Variants in ARMC9 observed in about 807,000 individuals in gnomAD.
The protein encoded by ARMC9 is lisH domain-containing protein ARMC9.
A neutral mutation model predicts 107.0 loss-of-function variants in ARMC9; 94 were observed. The ratio of observed to expected loss-of-function variants is 0.88; its 90% CI spans 0.74 to 1.04. The LOEUF is 1.04. Ranked by LOEUF, ARMC9 falls within the 50% of genes least tolerant of loss-of-function variation. The pLI is 0.00. For synonymous variants in ARMC9, 380 were observed against 396.9 expected (o/e 0.96, Z 0.51); for missense variants, 942 against 1,030.1 (o/e 0.91, Z 1.17).
intron 19 of ARMC9, among the ~76,000 whole-genome samples, chr2:231,331,419 A>G (rs918115817): frequency 6.6e-6 from 1 of 151,278 alleles, no homozygotes; most frequent in Non-Finnish European, 1.5e-5. Context: ...AGAGTTCCCT[A>G]TCCCCCATAA....
At chr2:231,206,797 C>G (rs138725067) in intron 2 of ARMC9, among the ~76,000 whole-genome samples, 1 of 152,132 alleles carries the variant, frequency 6.6e-6, no homozygotes, top group South Asian at 2.1e-4. Flanking sequence ...AGGTTTCCTA[C>G]GCTAAAAGCT....
At chr2:231,327,247 C>T (rs2043390383) in intron 19 of ARMC9, among the ~76,000 whole-genome samples, 1 of 152,150 alleles carries the variant, frequency 6.6e-6, no homozygotes, top group South Asian at 2.1e-4. Flanking sequence ...CACATATGCT[C>T]GTTTTTTAAT....
At chr2:231,253,106 T>TTTTTTG (rs79818055) in intron 9 of ARMC9, among the ~76,000 whole-genome samples, 75,094 of 148,938 alleles carry the variant, frequency 0.5, 22,016 homozygotes, top group African/African-American at 0.82. Context: ...ATTTTCATTG[T>TTTTTTG]TTTTTGTTTT....
intron 9 of ARMC9, among the ~76,000 whole-genome samples, chr2:231,245,695 T>A (rs2036698190): frequency 6.6e-6 from 1 of 152,252 alleles, no homozygotes; most frequent in African/African-American, 2.4e-5. Flanking sequence ...TCTAGAGTTC[T>A]AATTTGAGAA....
At chr2:231,200,746 A>G (rs78839329) in intron 1 of ARMC9, among the ~76,000 whole-genome samples, 40,906 of 151,494 alleles carry the variant, frequency 0.27, 5,730 homozygotes, top group African/African-American at 0.32. Context: ...GAGGTGGGAG[A>G]ATCACTTGAA....
chr2:231,319,899 C>A (rs1266900440), intron 19 of ARMC9, among the ~76,000 whole-genome samples: 1 of 151,886 alleles, frequency 6.6e-6, no homozygotes, highest in African/African-American at 2.4e-5. Context: ...TGGCTGTATC[C>A]CTTCCTCTCC....
chr2:231,241,058 C>T (rs1469112856), intron 9 of ARMC9, among the ~76,000 whole-genome samples: 5 of 151,902 alleles, frequency 3.3e-5, no homozygotes, highest in Admixed American at 1.3e-4. Flanking sequence ...ATTAGCCAAG[C>T]GTGGTGGTGG....
At chr2:231,259,904 G>A (rs2038179762) in intron 11 of ARMC9, among the ~76,000 whole-genome samples, 1 of 152,188 alleles carries the variant, frequency 6.6e-6, no homozygotes, top group Admixed American at 6.5e-5. Flanking sequence ...ACTGAGGCAG[G>A]AGAATTGCTT....
At chr2:231,270,485 C>T (rs990205498) in intron 12 of ARMC9, 1 of 381,554 alleles carries the variant, frequency 2.6e-6, no homozygotes, top group African/African-American at 2.1e-5. Flanking sequence ...CCGTTGCTGC[C>T]TTGAGATTTG....
intron 17 of ARMC9, among the ~76,000 whole-genome samples, chr2:231,290,684 C>A (rs952918097): frequency 2.5e-4 from 38 of 152,178 alleles, no homozygotes; most frequent in Admixed American, 2.4e-3. Flanking sequence ...ATTGAAAATT[C>A]TGGCATCAGG....
chr2:231,213,843 G>T (rs1037507704), intron 3 of ARMC9, among the ~76,000 whole-genome samples: 1 of 152,212 alleles, frequency 6.6e-6, no homozygotes, highest in African/African-American at 2.4e-5. Context: ...ATTGGGTGGG[G>T]AAGTGGGGAT....
At chr2:231,279,987 C>A (rs1267220432) in intron 16 of ARMC9, among the ~76,000 whole-genome samples, 1 of 152,228 alleles carries the variant, frequency 6.6e-6, no homozygotes, top group African/African-American at 2.4e-5. Context: ...CCTGAATGAA[C>A]TCTGTTCCTC....
chr2:231,333,428 G>A (rs2125561057), intron 20 of ARMC9, among the ~76,000 whole-genome samples: 1 of 152,336 alleles, frequency 6.6e-6, no homozygotes, highest in East Asian at 1.9e-4. Flanking sequence ...AGGGATAGGG[G>A]TTGCTGGGCA....
intron 20 of ARMC9, among the ~76,000 whole-genome samples, chr2:231,341,669 G>GATAC (rs1412594760): frequency 6.6e-6 from 1 of 151,754 alleles, no homozygotes; most frequent in Admixed American, 6.6e-5. Context: ...TAGATAGATA[G>GATAC]ATAGATAGAG....
intron 21 of ARMC9, among the ~76,000 whole-genome samples, chr2:231,346,750 T>C (rs2044833796): frequency 6.6e-6 from 1 of 152,230 alleles, no homozygotes; most frequent in Non-Finnish European, 1.5e-5. Flanking sequence ...TATTCCTTAA[T>C]TGTCCCCTAA....
At chr2:231,341,855 T>C (rs1237935137) in intron 20 of ARMC9, among the ~76,000 whole-genome samples, 2 of 152,220 alleles carry the variant, frequency 1.3e-5, no homozygotes, top group Non-Finnish European at 2.9e-5. Flanking sequence ...TTATTGTGCT[T>C]AAATATGCTG....
chr2:231,221,981 A>T (rs2034188899), intron 5 of ARMC9, among the ~76,000 whole-genome samples: 1 of 152,090 alleles, frequency 6.6e-6, no homozygotes, highest in South Asian at 2.1e-4. Flanking sequence ...AAGGATGGAA[A>T]GGTCTGAGGG....
rs1260933504 is a variant in ARMC9, at chr2:231,297,187, T to C, written c.1773+934T>C. 6.6e-6 allele frequency among the ~76,000 whole-genome samples: 1 copy of C among 152,234 alleles called. No individual in the cohort carries two copies. The highest frequency in any genetic ancestry group is 2.4e-5 in the African/African-American group (1 of 41,464). On this transcript the variant is annotated intron_variant, in intron 19 of 24. Transcript: ENST00000611582. The surrounding 1 kb of genome is among the most constrained non-coding windows in gnomAD (Gnocchi z 4.2). ...ATGCTTCCTCAGCAGGCGGCCTCTG[T>C]GGCTGCCGTTTTCTTCACAGGCTGC...
In ARMC9 at chr2:231,369,955, A is replaced by T. The variant is rs2125600425; in HGVS notation, c.2264A>T (p.Glu755Val). ...QDPGNGVTTR[E>V]CASAFTCKPR... ...CCAGGTTGCACGTTTTGTTCTAGGG[A>T]ATGTGCATCAGCCTTCACCTGCAAG... The change falls in exon 24 of 25, where the codon GAA becomes GTA. Residue 755 changes from glutamate to valine, a missense_variant and splice_region_variant. Transcript: ENST00000611582. The T allele has an allele frequency of 6.6e-7, 1 of 1,506,758 alleles. No homozygotes were observed. Among genetic ancestry groups the T allele is most frequent in the Middle Eastern group, 1.7e-4 (1 of 5,862 alleles). 93.3% of individuals were successfully genotyped at this position (1,506,758 alleles called of 1,614,324 possible).
Sources: allele counts gnomAD v4.1 joint callset (sites outside exome capture counted in the v4.1 genomes callset), GRCh38; gene constraint gnomAD v4.1.1; non-coding constraint Gnocchi (gnomAD v3.1); transcripts MANE v1.5; gene names NCBI Gene and HGNC (gene_info 2026-07-23, HGNC 2026-07-21).